RNF152: variants seen among roughly 807,000 people sequenced by gnomAD.
The protein encoded by RNF152 is E3 ubiquitin-protein ligase RNF152.
A neutral mutation model predicts 12.7 loss-of-function variants in RNF152; 11 were observed. The observed-to-expected ratio is 0.86, with a 90% CI of 0.54 to 1.43. RNF152 has a LOEUF of 1.43. RNF152 is among the 40% of genes most tolerant of loss of function. The probability of loss-of-function intolerance (pLI) is 0.00; values close to 1 mark genes in which losing one functional copy is unlikely to be tolerated. For synonymous variants in RNF152, 113 were observed against 120.3 expected, an observed-to-expected ratio of 0.94 and a Z score of 0.40; for missense variants, 255 against 274.8, an observed-to-expected ratio of 0.93 and a Z score of 0.51.
rs1329531321 is a variant in RNF152 at position 61,810,365 on chromosome 18, G to C, written c.*5487C>G. ...TATCTTTTAGAAGTGTTTCATGTTGGCTGGGTGCAGTGGCCCATGCCTGTA... is the reference window on the plus strand; with the variant it reads ...TATCTTTTAGAAGTGTTTCATGTTGCCTGGGTGCAGTGGCCCATGCCTGTA... On this transcript the variant is annotated 3_prime_UTR_variant, in exon 2 of 2. Coordinates refer to ENST00000312828, the MANE Select transcript of RNF152 (RefSeq NM_173557.3). 1.3e-5 allele frequency: 2 copies of C among 152,124 alleles called. No homozygotes were observed. Among genetic ancestry groups the C allele is most frequent in the Admixed American group, 6.5e-5 (1 of 15,272 alleles). The allele number at this position is 152,124 out of a possible 1,614,324, so 9.4% of individuals were successfully genotyped here. A position where few individuals can be genotyped will look rare whatever the true frequency, so the allele number is the denominator to read the frequency against.
At chr18:61,851,038 G>A (rs1372359308) in intron 1 of RNF152, among the ~76,000 whole-genome samples, 1 of 151,014 alleles carries the variant, frequency 6.6e-6, no homozygotes, top group African/African-American at 2.4e-5. Context: ...GCATCAGCCA[G>A]TGACCTTTCT....
In RNF152 at chr18:61,811,369, T is replaced by G. The variant is rs977619179; in HGVS notation, c.*4483A>C. Reference sequence around the variant, plus strand: ...CTTTTATTTAGCTAAAAAGTAATTATTGTAGCTTTAGTAAACTTCAAGTCT... The same window carrying G: ...CTTTTATTTAGCTAAAAAGTAATTAGTGTAGCTTTAGTAAACTTCAAGTCT... On this transcript the variant is annotated 3_prime_UTR_variant, in exon 2 of 2. Transcript: ENST00000312828. The G allele has an allele frequency of 1.1e-4, 16 of 152,214 alleles. No homozygotes were observed. The highest frequency in any genetic ancestry group is 2.9e-5 in the Non-Finnish European group (2 of 68,042). The allele number at this position is 152,214 out of a possible 1,614,324, so 9.4% of individuals were successfully genotyped here. A position where few individuals can be genotyped will look rare whatever the true frequency, so the allele number is the denominator to read the frequency against.
chr18:61,833,561 C>T (rs947633004), intron 1 of RNF152, among the ~76,000 whole-genome samples: 1 of 152,192 alleles, frequency 6.6e-6, no homozygotes, highest in Non-Finnish European at 1.5e-5. Context: ...CACAGACACA[C>T]ACAAACATGA....
intron 1 of RNF152, among the ~76,000 whole-genome samples, chr18:61,857,035 C>A (rs1227498190): frequency 6.6e-6 from 1 of 152,064 alleles, no homozygotes; most frequent in Non-Finnish European, 1.5e-5. Flanking sequence ...AAGGAGAAAC[C>A]AGCATTATTC....
At chr18:61,848,371 C>G (rs946881689) in intron 1 of RNF152, among the ~76,000 whole-genome samples, 1 of 152,184 alleles carries the variant, frequency 6.6e-6, no homozygotes, top group Admixed American at 6.5e-5. Flanking sequence ...TTGAATGATT[C>G]CATAGCCTCA....
chr18:61,856,546 C>A (rs1805514130), intron 1 of RNF152, among the ~76,000 whole-genome samples: 1 of 152,178 alleles, frequency 6.6e-6, no homozygotes, highest in African/African-American at 2.4e-5. Flanking sequence ...CCCAGCATCA[C>A]CTTCCAGGTC....
chr18:61,845,431 G>A (rs754813893), intron 1 of RNF152, among the ~76,000 whole-genome samples: 63 of 152,222 alleles, frequency 4.1e-4, no homozygotes, highest in Admixed American at 1.1e-3. Flanking sequence ...AACCACTCAG[G>A]CCGCCGCTGC....
intron 1 of RNF152, among the ~76,000 whole-genome samples, chr18:61,836,360 G>T (rs1404413667): frequency 1.3e-5 from 2 of 152,084 alleles, no homozygotes; most frequent in Non-Finnish European, 2.9e-5. Flanking sequence ...CCCAAAATTC[G>T]TATGTTGAAA....
intron 1 of RNF152, among the ~76,000 whole-genome samples, chr18:61,869,885 A>G (rs961138285): frequency 3.3e-5 from 5 of 152,186 alleles, no homozygotes; most frequent in Admixed American, 6.5e-5. Flanking sequence ...CAAAAATGAG[A>G]AAGTTTATAA....
rs891644494 is a variant in RNF152 at position 61,810,121 on chromosome 18, C to T, written c.*5731G>A. ...AGTTTCAAGTGTTTATATAGACACT[C>T]CCAAAGGTAGTTAGTTTGACATAAT... is the stretch of plus-strand genomic sequence containing the variant. On this transcript the variant is annotated 3_prime_UTR_variant, in exon 2 of 2. Coordinates refer to ENST00000312828, the MANE Select transcript of RNF152 (RefSeq NM_173557.3). 4 of 152,154 alleles carry T rather than the reference C, an allele frequency of 2.6e-5. No homozygotes were observed. Among genetic ancestry groups the T allele is most frequent in the African/African-American group, 9.7e-5 (4 of 41,434 alleles). 9.4% of individuals were successfully genotyped at this position (152,154 alleles called of 1,614,324 possible). A position where few individuals can be genotyped will look rare whatever the true frequency, so the allele number is the denominator to read the frequency against.
intron 1 of RNF152, among the ~76,000 whole-genome samples, chr18:61,857,829 T>C (rs571404010): frequency 3.0e-4 from 45 of 152,350 alleles, no homozygotes; most frequent in African/African-American, 1.0e-3. Flanking sequence ...AAATTTGTCA[T>C]TGGCGTGTAT....
Position 61,809,100 on chromosome 18 carries a change from A to G in RNF152, c.*6752T>C, listed in dbSNP as rs1397650004. 3 of 152,108 alleles carry G rather than the reference A, an allele frequency of 2.0e-5. No homozygotes were observed. Among genetic ancestry groups the G allele is most frequent in the African/African-American group, 7.2e-5 (3 of 41,386 alleles). The allele number at this position is 152,108 out of a possible 1,614,324, so 9.4% of individuals were successfully genotyped here. ...GCCATATCTGGCCTTCAGCTCCTAT[A>G]TGTCTTGTTTTGCAGCTATACTCTT... On this transcript the variant is annotated 3_prime_UTR_variant, in exon 2 of 2. Coordinates refer to ENST00000312828, the MANE Select transcript of RNF152 (RefSeq NM_173557.3).
chr18:61,841,068 A>G (rs1034248676), intron 1 of RNF152, among the ~76,000 whole-genome samples: 3 of 152,238 alleles, frequency 2.0e-5, no homozygotes, highest in African/African-American at 7.2e-5. Context: ...CATGGGGCAC[A>G]TGGAGCAGCA....
At chr18:61,844,077 GGAAAGAAAGAAAGAAA>G (rs35978592) in intron 1 of RNF152, among the ~76,000 whole-genome samples, 1,688 of 68,476 alleles carry the variant, frequency 0.025, 16 homozygotes, top group Middle Eastern at 0.039. Context: ...CAGAAAGAAA[GGAAAGAAAGAAAGAAA>G]GAAAGAAAGA....
chr18:61,869,140 G>C (rs1911873027), intron 1 of RNF152, among the ~76,000 whole-genome samples: 5 of 152,158 alleles, frequency 3.3e-5, no homozygotes, highest in Admixed American at 3.3e-4. Flanking sequence ...TAAGTAGGAT[G>C]AGCTAAAGGA....
intron 1 of RNF152, among the ~76,000 whole-genome samples, chr18:61,817,099 G>A (rs867495734): frequency 3.2e-4 from 49 of 152,024 alleles, no homozygotes; most frequent in African/African-American, 9.9e-4. Context: ...TAACTAACTC[G>A]CTCAGTTTAC....
At chr18:61,850,256 TAC>T (rs1910910766) in intron 1 of RNF152, among the ~76,000 whole-genome samples, 1 of 152,250 alleles carries the variant, frequency 6.6e-6, no homozygotes, top group African/African-American at 2.4e-5. Flanking sequence ...CACGACCTCA[TAC>T]AGTTTCTGGC....
At position 61,848,157 on chromosome 18, in the gene RNF152, G is replaced by A. The variant is rs145626608; in HGVS notation, c.-135-31559C>T. On this transcript the variant is annotated intron_variant, in intron 1 of 1. Coordinates refer to ENST00000312828, the MANE Select transcript of RNF152 (RefSeq NM_173557.3). ...ACAGTAGACACCTGATTTCAAAAGC[G>A]CCTCTGGGCTCCTCTCACATCAGCT... 2.6e-3 allele frequency among the ~76,000 whole-genome samples: 394 copies of A among 152,172 alleles called. 6 individuals are homozygous for A. Among genetic ancestry groups the A allele is most frequent in the African/African-American group, 8.8e-3 (364 of 41,538 alleles).
intron 1 of RNF152, among the ~76,000 whole-genome samples, chr18:61,818,430 A>G (rs1228228237): frequency 6.6e-6 from 1 of 152,212 alleles, no homozygotes; most frequent in Non-Finnish European, 1.5e-5. Context: ...CTCAAATTAA[A>G]AAAAAAACAA....
Sources: allele counts gnomAD v4.1 joint callset (sites outside exome capture counted in the v4.1 genomes callset), GRCh38; gene constraint gnomAD v4.1.1; transcripts MANE v1.5; gene names NCBI Gene and HGNC (gene_info 2026-07-23, HGNC 2026-07-21).